Variants in TPH2 observed in about 807,000 individuals in gnomAD.
TPH2 encodes tryptophan 5-hydroxylase 2.
In TPH2, 27 loss-of-function variants were observed where a neutral mutation model predicts 59.1. The ratio of observed to expected loss-of-function variants is 0.46; its 90% CI spans 0.34 to 0.63. The LOEUF is 0.63. Ranked by LOEUF, TPH2 falls within the 30% of genes least tolerant of loss-of-function variation. TPH2 has a pLI of 0.01. For missense variants in TPH2, 523 were observed against 588.3 expected, an observed-to-expected ratio of 0.89 and a Z score of 1.15; for synonymous variants, 220 against 210.5, an observed-to-expected ratio of 1.05 and a Z score of -0.39.
chr12:71,993,822 A>C (rs1476833506), intron 7 of TPH2, among the ~76,000 whole-genome samples: 3 of 152,228 alleles, frequency 2.0e-5, no homozygotes, highest in Non-Finnish European at 4.4e-5. Flanking sequence ...AGAGTTGAAA[A>C]ACATGACAAA....
chr12:71,959,325 A>G (rs530058927), intron 5 of TPH2, among the ~76,000 whole-genome samples: 50 of 152,304 alleles, frequency 3.3e-4, no homozygotes, highest in African/African-American at 1.2e-3. Context: ...AAAGAGACAG[A>G]TGATCAGAGA....
chr12:71,971,790 T>C (rs1871980142), intron 5 of TPH2, among the ~76,000 whole-genome samples: 1 of 152,210 alleles, frequency 6.6e-6, no homozygotes, highest in Non-Finnish European at 1.5e-5. Context: ...TATATCCATT[T>C]GTTATTGTGC....
In TPH2 at chr12:71,979,100, A is replaced by T. The variant is rs910978052; in HGVS notation, c.941+13A>T. On this transcript the variant is annotated intron_variant, in intron 7 of 10. Transcript: ENST00000333850. The stretch of plus-strand genomic sequence containing the variant: ...ACACCCCAGAACCGTGAGTACCTAC[A>T]TTAAAGCCCAGGCCACCACACCATA... 6.2e-7 allele frequency: 1 copy of T among 1,613,982 alleles called. No individual in the cohort carries two copies. Among genetic ancestry groups the T allele is most frequent in the East Asian group, 2.2e-5 (1 of 44,882 alleles).
chr12:72,008,915 A>G (rs1435944102), intron 8 of TPH2, among the ~76,000 whole-genome samples: 6 of 152,108 alleles, frequency 3.9e-5, no homozygotes, highest in Non-Finnish European at 2.9e-5. Context: ...ACAAAGCAGC[A>G]TCTTCTGGTC....
chr12:72,018,961 C>A (rs1345842896), intron 8 of TPH2, among the ~76,000 whole-genome samples: 1 of 152,158 alleles, frequency 6.6e-6, no homozygotes, highest in Non-Finnish European at 1.5e-5. Flanking sequence ...TCTTCCTCAA[C>A]TTGAATTTTC....
chr12:71,979,031 G>C lies in TPH2; in HGVS notation c.885G>C (p.Val295=). 1 of 1,614,120 alleles carries C rather than the reference G, an allele frequency of 6.2e-7. No individual in the cohort carries two copies. The highest frequency in any genetic ancestry group is 2.2e-5 in the East Asian group (1 of 44,874). ...RDFLAGLAYR[V]FHCTQYIRHG... is the part of the protein sequence containing the mutation. ...TTCTGGCAGGACTGGCCTACAGAGTGTTCCACTGTACCCAGTACATCCGGC... is the reference window on the plus strand; with the variant it reads ...TTCTGGCAGGACTGGCCTACAGAGTCTTCCACTGTACCCAGTACATCCGGC... Residue 295 remains valine, a synonymous_variant, in exon 7 of 11, where the codon GTG becomes GTC. Transcript: ENST00000333850.
intron 9 of TPH2, among the ~76,000 whole-genome samples, chr12:72,029,605 G>A (rs1317171296): frequency 1.3e-5 from 2 of 152,170 alleles, no homozygotes; most frequent in African/African-American, 2.4e-5. Flanking sequence ...TCACTGCCCT[G>A]CATTGAATCT....
chr12:71,947,975 C>T (rs1356393214), intron 4 of TPH2, among the ~76,000 whole-genome samples: 1 of 152,074 alleles, frequency 6.6e-6, no homozygotes, highest in Non-Finnish European at 1.5e-5. Context: ...TTCCTTTTGT[C>T]ATGGCCTGTT....
At chr12:72,027,632 C>T (rs374008006) in intron 9 of TPH2, among the ~76,000 whole-genome samples, 1 of 152,088 alleles carries the variant, frequency 6.6e-6, no homozygotes, top group Non-Finnish European at 1.5e-5. Flanking sequence ...GTATTGTCTA[C>T]TAATAGTTGG....
intron 7 of TPH2, among the ~76,000 whole-genome samples, chr12:71,980,577 G>A (rs976589934): frequency 7.2e-5 from 11 of 152,074 alleles, no homozygotes; most frequent in African/African-American, 2.7e-4. Context: ...TAGGACCCCA[G>A]ACATTTGGAA....
intron 5 of TPH2, among the ~76,000 whole-genome samples, chr12:71,966,994 G>A (rs1017946970): frequency 9.2e-5 from 14 of 152,120 alleles, no homozygotes; most frequent in African/African-American, 3.1e-4. Flanking sequence ...CTTGCTGTTG[G>A]ACCGCTGGAG....
intron 7 of TPH2, among the ~76,000 whole-genome samples, chr12:71,984,772 T>A (rs1191986715): frequency 6.6e-6 from 1 of 152,186 alleles, no homozygotes; most frequent in African/African-American, 2.4e-5. Flanking sequence ...GAAAATGGCA[T>A]GTTCCCAGAA....
Position 71,944,695 on chromosome 12 carries a change from C to T in TPH2, c.540+9C>T, listed in dbSNP as rs1871157260. 1 of 1,611,972 alleles carries T rather than the reference C, an allele frequency of 6.2e-7. No individual in the cohort carries two copies. Among genetic ancestry groups the T allele is most frequent in the Admixed American group, 1.7e-5 (1 of 59,970 alleles). On this transcript the variant is annotated intron_variant, in intron 4 of 10. Transcript: ENST00000333850. The stretch of plus-strand genomic sequence containing the variant: ...TTGATGCTGACCACCCAGTAAGTGT[C>T]CAGTAAAATCTATTTCTCACATGCT...
chr12:71,994,637 T>C (rs1431937049), intron 8 of TPH2, 72 bp downstream of exon 8: 1 of 1,575,526 alleles, frequency 6.3e-7, no homozygotes, highest in Non-Finnish European at 8.7e-7. Context: ...TTCAGGATTA[T>C]TGACTATGAG....
intron 5 of TPH2, among the ~76,000 whole-genome samples, chr12:71,966,343 T>C (rs970623483): frequency 2.1e-4 from 32 of 152,296 alleles, no homozygotes; most frequent in African/African-American, 6.3e-4. Context: ...AGTAAAATTA[T>C]ACATATTTTA....
intron 8 of TPH2, among the ~76,000 whole-genome samples, chr12:72,019,891 G>T (rs1566168396): frequency 1.3e-5 from 2 of 152,190 alleles, no homozygotes; most frequent in Non-Finnish European, 2.9e-5. Flanking sequence ...CAACCCCGGG[G>T]TTGGAGTCAC....
At chr12:72,003,307 TG>T (rs1165573707) in intron 8 of TPH2, among the ~76,000 whole-genome samples, 4 of 152,158 alleles carry the variant, frequency 2.6e-5, no homozygotes, top group African/African-American at 9.7e-5. Flanking sequence ...GACAAAGGGC[TG>T]GGGGGAATGC....
At chr12:71,984,580 C>T (rs1487666703) in intron 7 of TPH2, among the ~76,000 whole-genome samples, 2 of 152,166 alleles carry the variant, frequency 1.3e-5, no homozygotes, top group Non-Finnish European at 2.9e-5. Flanking sequence ...GAGGATAAAC[C>T]AGAGCTTTAC....
At chr12:72,005,342 T>C (rs1045951774) in intron 8 of TPH2, among the ~76,000 whole-genome samples, 1 of 152,060 alleles carries the variant, frequency 6.6e-6, no homozygotes, top group African/African-American at 2.4e-5. Flanking sequence ...GAGGGGGCTT[T>C]AAAGTCTTTA....
Sources: gnomAD v4.1 joint callset for allele counts (sites outside exome capture counted in the v4.1 genomes callset) on GRCh38, gnomAD v4.1.1 for gene constraint, MANE v1.5 for transcripts, NCBI Gene and HGNC (gene_info 2026-07-23, HGNC 2026-07-21) for gene names.